The following GGNBP2 variants were observed in gnomAD, a reference collection of about 807,000 sequenced individuals.
GGNBP2 encodes gametogenetin-binding protein 2.
Under a neutral mutation model 85.9 loss-of-function variants are expected in GGNBP2, and 10 were observed. The observed-to-expected ratio is 0.12, with a 90% CI of 0.07 to 0.20. GGNBP2 has a LOEUF of 0.20. Among genes scored for constraint, GGNBP2 ranks in the 10% least tolerant of loss-of-function variants. GGNBP2 has a pLI of 1.00. For synonymous variants in GGNBP2, 287 were observed against 285.7 expected (o/e 1.00, Z -0.05); for missense variants, 595 against 857.8 (o/e 0.69, Z 3.83).
intron 2 of GGNBP2, chr17:36,547,368 A>C (rs1338051503): frequency 6.6e-6 from 1 of 152,252 alleles, no homozygotes; most frequent in East Asian, 1.9e-4. Flanking sequence ...GTTAAAAAAA[A>C]AAATTCAGTG....
rs1555607608 is a variant in GGNBP2 at position 36,575,639 on chromosome 17, TATA to T, written c.642-2343_642-2341del. Among the ~76,000 whole-genome samples, 177 of 63,334 alleles carry T rather than the reference TATA, an allele frequency of 2.8e-3. 5 individuals are homozygous for T. Among genetic ancestry groups the T allele is most frequent in the African/African-American group, 0.013 (165 of 12,828 alleles). The allele number at this position is 63,334 out of a possible 152,430, so 41.5% of individuals were successfully genotyped here. ...ATATATATATATATATATATATATA[TATA>T]TATATATTTTTTTTTTTTTTTGAGA... On this transcript the variant is annotated intron_variant, in intron 6 of 13. Transcript: ENST00000613102.
rs1413761369 is a variant in GGNBP2, at chr17:36,585,846, C to G, written c.1373C>G (p.Ser458Cys). The part of the protein sequence containing the change: ...LGSPKIKKGL[S>C]PHCNGSDCGY... ...TCACTTGATTTATTCTCAGGCTTAT[C>G]TCCACACTGTAATGGTAGTGATTGT... The change falls in exon 11 of 14, where the codon TCT becomes TGT. Residue 458 changes from serine to cysteine, a missense_variant. Physicochemically the swap from Ser to Cys is moderately radical, Grantham distance 112 (BLOSUM62 -1). This residue lies in a region of GGNBP2 where 85 missense variants were observed against 92.6 expected (regional missense o/e 0.92). Coordinates refer to ENST00000613102, the MANE Select transcript of GGNBP2 (RefSeq NM_024835.5). 6.2e-7 allele frequency: 1 copy of G among 1,612,400 alleles called. No individual in the cohort carries two copies. Among genetic ancestry groups the G allele is most frequent in the African/African-American group, 1.3e-5 (1 of 74,856 alleles).
intron 3 of GGNBP2, among the ~76,000 whole-genome samples, chr17:36,555,679 G>C (rs987782468): frequency 3.9e-5 from 6 of 152,198 alleles, no homozygotes; most frequent in African/African-American, 1.2e-4. Context: ...CTGGGCAATA[G>C]AGTGAGACCT....
intron 5 of GGNBP2, among the ~76,000 whole-genome samples, chr17:36,563,229 G>A (rs1224882980): frequency 6.6e-6 from 1 of 151,930 alleles, no homozygotes; most frequent in Non-Finnish European, 1.5e-5. Context: ...TCGCACCATT[G>A]CACTCCAGCC....
At chr17:36,550,233 C>T (rs141962184) in intron 2 of GGNBP2, among the ~76,000 whole-genome samples, 1,830 of 152,248 alleles carry the variant, frequency 0.012, 15 homozygotes, top group Middle Eastern at 0.017. Context: ...CCAATGCGCC[C>T]GGCCAGATTG....
intron 6 of GGNBP2, chr17:36,576,629 G>GTGTGTGTGTGTGTGTGTA (rs1203227585): frequency 6.9e-4 from 77 of 111,038 alleles, no homozygotes; most frequent in African/African-American, 1.5e-3. Flanking sequence ...GTGTGTGTGT[G>GTGTGTGTGTGTGTGTGTA]TATATGTATA....
intron 6 of GGNBP2, among the ~76,000 whole-genome samples, chr17:36,568,435 TAC>T (rs1210102393): frequency 2.0e-5 from 3 of 152,196 alleles, no homozygotes; most frequent in Non-Finnish European, 4.4e-5. Context: ...TAGCTGAGAC[TAC>T]AGGCGCATGC....
intron 9 of GGNBP2, 82 bp from the exon 10 acceptor site, chr17:36,585,218 G>T: frequency 8.4e-7 from 1 of 1,191,146 alleles, no homozygotes; most frequent in Admixed American, 2.2e-5. Flanking sequence ...CTATTAGGAT[G>T]AAAATAGTTT....
intron 13 of GGNBP2, chr17:36,587,584 T>TAA: frequency 1.9e-5 from 4 of 206,958 alleles, no homozygotes; most frequent in South Asian, 8.3e-5. Context: ...TTTGTAAAGT[T>TAA]AAAAAAAAAA....
chr17:36,563,337 C>T (rs945626611), intron 5 of GGNBP2, among the ~76,000 whole-genome samples: 6 of 151,946 alleles, frequency 3.9e-5, no homozygotes, highest in African/African-American at 1.4e-4. Flanking sequence ...GTAAAAAATA[C>T]AATGATTGAA....
intron 8 of GGNBP2, among the ~76,000 whole-genome samples, chr17:36,580,317 C>G (rs2142772923): frequency 6.6e-6 from 1 of 151,172 alleles, no homozygotes; most frequent in Middle Eastern, 3.4e-3. Context: ...ACACCATTCT[C>G]CTGGCTCAGC....
chr17:36,585,349 A>G lies in GGNBP2; in HGVS notation c.1265A>G (p.Glu422Gly). ...NSSCKACGST[E>G]DGNTCVEVIV... ...AGCTGCAAAGCCTGTGGCAGCACTG[A>G]AGATGGTAATACTTGTGTAGAAGTA... is the stretch of plus-strand genomic sequence containing the variant. Residue 422 changes from glutamate (E) to glycine (G), a missense_variant, in exon 10 of 14, where the codon GAA becomes GGA. This residue lies in a region of GGNBP2 where 85 missense variants were observed against 92.6 expected (regional missense o/e 0.92). Transcript: ENST00000613102. The G allele has an allele frequency of 6.2e-7, 1 of 1,613,044 alleles. No individual in the cohort carries two copies. The highest frequency in any genetic ancestry group is 2.2e-5 in the East Asian group (1 of 44,856).
At chr17:36,565,716 C>T (rs1054822022) in intron 5 of GGNBP2, among the ~76,000 whole-genome samples, 49 of 152,052 alleles carry the variant, frequency 3.2e-4, no homozygotes, top group African/African-American at 1.1e-3. Context: ...GCCAATATGG[C>T]GAAACCCCGT....
chr17:36,571,169 A>C (rs1173676757), intron 6 of GGNBP2, among the ~76,000 whole-genome samples: 1 of 152,218 alleles, frequency 6.6e-6, no homozygotes, highest in Non-Finnish European at 1.5e-5. Context: ...ATTGTGGCTC[A>C]AGCCTATAAT....
chr17:36,570,668 G>A (rs550370526), intron 6 of GGNBP2, among the ~76,000 whole-genome samples: 5 of 151,962 alleles, frequency 3.3e-5, no homozygotes, highest in South Asian at 2.1e-4. Flanking sequence ...GCGCCATTGC[G>A]CTCCAGCCTG....
intron 9 of GGNBP2, chr17:36,582,267 TC>T (rs2074658488): frequency 6.6e-6 from 1 of 152,164 alleles, no homozygotes; most frequent in South Asian, 2.1e-4. Flanking sequence ...ACGCCTGTAA[TC>T]CCAGCTACTT....
rs189098092 is a variant in GGNBP2, at chr17:36,579,197, T to G, written c.846-48T>G. 8 of 1,529,940 alleles carry G rather than the reference T, an allele frequency of 5.2e-6. No homozygotes were observed. In the East Asian group the frequency reaches 1.6e-4, roughly 30 times the overall value. The allele number at this position is 1,529,940 out of a possible 1,614,324, so 94.8% of individuals were successfully genotyped here. On this transcript the variant is annotated intron_variant, in intron 7 of 13. Transcript: ENST00000613102. ...AACTTGCAGCTGTGTTATCCATCTT[T>G]TACTGTTTCAGTTAAAGGTATTAGT...
At chr17:36,570,512 C>T (rs960905407) in intron 6 of GGNBP2, among the ~76,000 whole-genome samples, 2 of 152,146 alleles carry the variant, frequency 1.3e-5, no homozygotes, top group African/African-American at 4.8e-5. Flanking sequence ...CCAGCCTGGT[C>T]AACATGGGGA....
Position 36,557,230 on chromosome 17 carries a change from A to C in GGNBP2, c.322A>C (p.Asn108His). 6.2e-7 allele frequency: 1 copy of C among 1,614,076 alleles called. No homozygotes were observed. Among genetic ancestry groups the C allele is most frequent in the South Asian group, 1.1e-5 (1 of 91,084 alleles). The change falls in exon 4 of 14, where the codon AAT becomes CAT. Residue 108 changes from asparagine to histidine, a missense_variant. Asn to His is a moderately conservative substitution (Grantham distance 68, BLOSUM62 1). This residue lies in a region of GGNBP2 where 216 missense variants were observed against 293.4 expected (regional missense o/e 0.74). Coordinates refer to ENST00000613102, the MANE Select transcript of GGNBP2 (RefSeq NM_024835.5). ...CTTTTCCCAGCTTGTAGAGTCTGGA[A>C]ATCCTGCTCTTGAACCCCTAACAGT... ...RLFSQLVESGNPALEPLTVGP... is the reference protein window; with the variant it reads ...RLFSQLVESGHPALEPLTVGP...
Sources: allele counts gnomAD v4.1 joint callset (sites outside exome capture counted in the v4.1 genomes callset), GRCh38; gene constraint gnomAD v4.1.1; regional missense constraint gnomAD v4.1.1; transcripts MANE v1.5; gene names NCBI Gene and HGNC (gene_info 2026-07-23, HGNC 2026-07-21).